NECAP1: variants seen among roughly 807,000 people sequenced by gnomAD.
NECAP1 encodes the protein NECAP endocytosis associated 1.
Under a neutral mutation model 33.4 loss-of-function variants are expected in NECAP1, and 13 were observed. That is an observed-to-expected ratio of 0.39 (90% CI 0.25 to 0.62). The LOEUF is 0.62. Ranked by LOEUF, NECAP1 falls within the 20% of genes least tolerant of loss-of-function variation. The probability of loss-of-function intolerance (pLI) is 0.52; values close to 1 mark genes in which losing one functional copy is unlikely to be tolerated. For synonymous variants in NECAP1, 109 were observed against 125.2 expected (o/e 0.87, Z 0.86); for missense variants, 272 against 347.4 (o/e 0.78, Z 1.73).
In NECAP1 at chr12:8,092,682, A is replaced by G. The variant is rs1448914729; in HGVS notation, c.390A>G (p.Val130=). 1.2e-6 allele frequency: 2 copies of G among 1,611,924 alleles called. No individual in the cohort carries two copies. ...NVSLQDHFKW[V]KQESEISKES... is the part of the protein sequence containing the mutation. ...ACTTGCTGTGTTCCCAAAGGTGGGT[A>G]AAGCAGGAATCTGAGATTTCCAAGG... Residue 130 remains valine, a synonymous_variant, in exon 5 of 8, where the codon GTA becomes GTG. Coordinates refer to ENST00000339754, the MANE Select transcript of NECAP1 (RefSeq NM_015509.4).
intron 1 of NECAP1, 135 bp downstream of exon 1, chr12:8,082,518 C>A: frequency 1.3e-6 from 1 of 742,346 alleles, no homozygotes; most frequent in South Asian, 1.7e-5. Context: ...CCTGGGTTGT[C>A]ATCTCCCTGA....
intron 1 of NECAP1, among the ~76,000 whole-genome samples, chr12:8,085,800 T>A (rs1947484991): frequency 6.8e-6 from 1 of 148,078 alleles, no homozygotes; most frequent in South Asian, 2.2e-4. Context: ...GCCTCCCAGA[T>A]TCAACTGATT....
chr12:8,089,749 G>A, intron 1 of NECAP1, 187 bp from the exon 2 acceptor site: 1 of 559,188 alleles, frequency 1.8e-6, no homozygotes, highest in Non-Finnish European at 3.2e-6. Context: ...TAGTAGCATT[G>A]TCTTTTACTT....
intron 1 of NECAP1, among the ~76,000 whole-genome samples, chr12:8,085,572 G>A (rs1947480290): frequency 6.6e-6 from 1 of 151,748 alleles, no homozygotes; most frequent in South Asian, 2.1e-4. Flanking sequence ...TTTGAATAAC[G>A]ATATTTATTT....
At chr12:8,083,629 C>T (rs1207932205) in intron 1 of NECAP1, among the ~76,000 whole-genome samples, 1 of 151,304 alleles carries the variant, frequency 6.6e-6, no homozygotes, top group East Asian at 1.9e-4. Context: ...GGGGTTTCAC[C>T]AAGTTGGCCA....
chr12:8,090,598 C>T (rs1449531020), intron 3 of NECAP1: 1 of 272,256 alleles, frequency 3.7e-6, no homozygotes, highest in Non-Finnish European at 7.3e-6. Flanking sequence ...CACCTGAGGT[C>T]AGGAGTTTGA....
At chr12:8,084,613 C>T (rs1304546128) in intron 1 of NECAP1, among the ~76,000 whole-genome samples, 1 of 151,940 alleles carries the variant, frequency 6.6e-6, no homozygotes. Context: ...TCTCACTGTT[C>T]AACTCCCACT....
Position 8,095,770 on chromosome 12 carries a change from A to G in NECAP1, c.779+67A>G, listed in dbSNP as rs1479811420. The G allele has an allele frequency of 3.4e-6, 5 of 1,468,318 alleles. No individual in the cohort carries two copies. The African/African-American group carries it at 7.0e-5, about 20-fold the overall frequency. 91.0% of individuals were successfully genotyped at this position (1,468,318 alleles called of 1,614,324 possible). A position where few individuals can be genotyped will look rare whatever the true frequency, so the allele number is the denominator to read the frequency against. ...TAGGAGATATGTACAGTCAATTGAA[A>G]TCTTTGATCTGGAGAAGCAATGGAT... On this transcript the variant is annotated intron_variant, in intron 7 of 7. Coordinates refer to ENST00000339754, the MANE Select transcript of NECAP1 (RefSeq NM_015509.4).
chr12:8,093,744 CAAAA>C (rs1462446436), intron 6 of NECAP1: 5 of 151,710 alleles, frequency 3.3e-5, no homozygotes, highest in Non-Finnish European at 7.4e-5. Context: ...AAGAAACAAA[CAAAA>C]ATAAATAAAT....
rs1426156488 is a variant in NECAP1 at position 8,097,513 on chromosome 12, C to G, written c.*1423C>G. 1 of 152,582 alleles carries G rather than the reference C, an allele frequency of 6.6e-6. No homozygotes were observed. Among genetic ancestry groups the G allele is most frequent in the Non-Finnish European group, 1.5e-5 (1 of 68,028 alleles). 9.5% of individuals were successfully genotyped at this position (152,582 alleles called of 1,614,324 possible). On this transcript the variant is annotated 3_prime_UTR_variant, in exon 8 of 8. Coordinates refer to ENST00000339754, the MANE Select transcript of NECAP1 (RefSeq NM_015509.4). ...TTTCATTGCCTCCTTTTCCAGGCAG[C>G]TCTATTCTTGCAGAGCCATAGCAGG...
intron 4 of NECAP1, 155 bp downstream of exon 4, chr12:8,092,005 G>A (rs1565644819): frequency 6.1e-6 from 4 of 659,400 alleles, no homozygotes; most frequent in Non-Finnish European, 2.6e-6. Flanking sequence ...GTTTCCTTAG[G>A]TCATCTTTGT....
intron 1 of NECAP1, among the ~76,000 whole-genome samples, chr12:8,085,999 C>T (rs1199930045): frequency 6.6e-6 from 1 of 152,160 alleles, no homozygotes; most frequent in African/African-American, 2.4e-5. Flanking sequence ...GCCACTGCGC[C>T]TGGCCCTTTC....
intron 1 of NECAP1, among the ~76,000 whole-genome samples, chr12:8,085,686 CTTTTTTTTTT>C (rs554942626): frequency 6.0e-4 from 63 of 104,832 alleles, no homozygotes; most frequent in African/African-American, 1.4e-3. Flanking sequence ...ACTTAATCTT[CTTTTTTTTTT>C]TTTTTTTTTT....
chr12:8,082,992 GGTT>G, intron 1 of NECAP1: 1 of 152,222 alleles, frequency 6.6e-6, no homozygotes, highest in Non-Finnish European at 1.5e-5. Flanking sequence ...GCTTTACAAC[GGTT>G]GTTCATTCTG....
chr12:8,092,025 GTTTCC>G, intron 4 of NECAP1, 175 bp downstream of exon 4: 3 of 610,812 alleles, frequency 4.9e-6, no homozygotes, highest in South Asian at 4.0e-5. Flanking sequence ...TATCTATTCT[GTTTCC>G]TTTCCTTATA....
chr12:8,095,897 A>G, intron 7 of NECAP1, 145 bp from the exon 8 acceptor site: 1 of 1,161,750 alleles, frequency 8.6e-7, no homozygotes, highest in Non-Finnish European at 1.2e-6. Context: ...TTTGAGTGGG[A>G]TATTTCAGGC....
chr12:8,084,079 T>A (rs1947467305), intron 1 of NECAP1, among the ~76,000 whole-genome samples: 1 of 152,148 alleles, frequency 6.6e-6, no homozygotes, highest in South Asian at 2.1e-4. Flanking sequence ...ACCCACATCA[T>A]CATTGTGATT....
intron 1 of NECAP1, among the ~76,000 whole-genome samples, chr12:8,088,290 A>G (rs1157008384): frequency 6.6e-6 from 1 of 152,190 alleles, no homozygotes; most frequent in Non-Finnish European, 1.5e-5. Flanking sequence ...TTTAAAACTG[A>G]ATCCCTGATC....
chr12:8,087,080 A>C (rs1311945826), intron 1 of NECAP1, among the ~76,000 whole-genome samples: 1 of 151,804 alleles, frequency 6.6e-6, no homozygotes, highest in Non-Finnish European at 1.5e-5. Context: ...AATGCGTTTC[A>C]GTGTAATGAA....
Sources: allele counts gnomAD v4.1 joint callset (sites outside exome capture counted in the v4.1 genomes callset), GRCh38; gene constraint gnomAD v4.1.1; transcripts MANE v1.5; gene names NCBI Gene and HGNC (gene_info 2026-07-23, HGNC 2026-07-21).